The following TBC1D19 variants were observed in gnomAD, a reference collection of about 807,000 sequenced individuals.
TBC1D19 encodes the protein TBC1 domain family member 19, also known as TBC1 domain family, member 19.
In TBC1D19, 60 loss-of-function variants were observed where a neutral mutation model predicts 89.0. That is an observed-to-expected ratio of 0.67 (90% confidence interval 0.55 to 0.84). The LOEUF (loss-of-function observed/expected upper bound fraction) is 0.84. Ranked by LOEUF, TBC1D19 falls within the 40% of genes least tolerant of loss-of-function variation. The probability of loss-of-function intolerance (pLI) is 0.00; values close to 1 mark genes in which losing one functional copy is unlikely to be tolerated. For synonymous variants in TBC1D19, 189 were observed against 199.7 expected (o/e 0.95, Z 0.45); for missense variants, 500 against 610.8 (o/e 0.82, Z 1.91).
the TBC1D19 span, among the ~76,000 whole-genome samples, chr4:26,842,379 C>G: frequency 1.7e-5 from 2 of 115,764 alleles, no homozygotes; most frequent in South Asian, 5.9e-4. Context: ...GGGTCTCACT[C>G]TGTCACCCAG....
intron 11 of TBC1D19, among the ~76,000 whole-genome samples, chr4:26,680,022 G>A (rs1458075731): frequency 2.6e-5 from 4 of 152,118 alleles, no homozygotes; most frequent in Admixed American, 1.3e-4. Context: ...TTTTGTTCTC[G>A]TGATAGTGAG....
chr4:26,732,845 C>T (rs908905690), intron 15 of TBC1D19, among the ~76,000 whole-genome samples: 3 of 152,138 alleles, frequency 2.0e-5, no homozygotes, highest in Non-Finnish European at 2.9e-5. Flanking sequence ...GATACATCCT[C>T]CTCTGGGCTG....
At chr4:26,694,028 T>G (rs568457835) in intron 13 of TBC1D19, among the ~76,000 whole-genome samples, 1 of 152,020 alleles carries the variant, frequency 6.6e-6, no homozygotes, top group Non-Finnish European at 1.5e-5. Context: ...TTCACCTCAC[T>G]GGGGCTCGTC....
intron 7 of TBC1D19, among the ~76,000 whole-genome samples, chr4:26,659,252 A>AT (rs1048666319): frequency 6.6e-6 from 1 of 152,034 alleles, no homozygotes; most frequent in Non-Finnish European, 1.5e-5. Context: ...ATCAAGCAAG[A>AT]TTTTTTTCTT....
chr4:26,599,950 CAAAAAAA>C (rs36092049), intron 1 of TBC1D19, among the ~76,000 whole-genome samples: 4 of 72,788 alleles, frequency 5.5e-5, no homozygotes, highest in African/African-American at 1.1e-4. Context: ...TCTGTCTCTC[CAAAAAAA>C]AAAAAAAAAA....
upstream of TBC1D19, among the ~76,000 whole-genome samples, chr4:26,579,946 A>G (rs1739035941): frequency 1.3e-5 from 2 of 152,212 alleles, no homozygotes; most frequent in African/African-American, 4.8e-5. Flanking sequence ...AGATGGAAAG[A>G]GCTTAGAAAC....
chr4:26,657,149 A>G (rs1283273381), intron 7 of TBC1D19, among the ~76,000 whole-genome samples: 3 of 150,892 alleles, frequency 2.0e-5, no homozygotes, highest in Non-Finnish European at 2.9e-5. Context: ...GTTTTGTTAC[A>G]TAGGTATACA....
At chr4:26,787,101 G>GTTTT in the TBC1D19 span, among the ~76,000 whole-genome samples, 4 of 129,368 alleles carry the variant, frequency 3.1e-5, no homozygotes, top group Non-Finnish European at 3.3e-5. Context: ...AGAGGAACTA[G>GTTTT]TTTTTTTTTT....
At chr4:26,701,058 C>CT (rs1486471078) in intron 13 of TBC1D19, among the ~76,000 whole-genome samples, 1 of 152,198 alleles carries the variant, frequency 6.6e-6, no homozygotes, top group Non-Finnish European at 1.5e-5. Flanking sequence ...CCACCCTGAT[C>CT]TTTAACTTCA....
the TBC1D19 span, among the ~76,000 whole-genome samples, chr4:26,819,557 C>G: frequency 6.6e-6 from 1 of 152,236 alleles, no homozygotes; most frequent in African/African-American, 2.4e-5. Flanking sequence ...TGGCAACAGC[C>G]ACAGTCATCA....
chr4:26,807,207 C>T, the TBC1D19 span, among the ~76,000 whole-genome samples: 53,827 of 151,954 alleles, frequency 0.35, 10,496 homozygotes, highest in East Asian at 0.5. Flanking sequence ...CAGAGTCCCC[C>T]ATCCTCAACT....
chr4:26,841,895 T>C, the TBC1D19 span, among the ~76,000 whole-genome samples: 1 of 152,202 alleles, frequency 6.6e-6, no homozygotes, highest in Non-Finnish European at 1.5e-5. Context: ...AGAACTGGCA[T>C]TGCACAATAT....
the TBC1D19 span, among the ~76,000 whole-genome samples, chr4:26,769,367 G>A: frequency 6.6e-6 from 1 of 151,916 alleles, no homozygotes; most frequent in East Asian, 1.9e-4. Flanking sequence ...AAGAGCACTA[G>A]AAATAATAAC....
In TBC1D19 at chr4:26,688,496, T is replaced by C. The variant is rs536820409; in HGVS notation, c.954+89T>C. The C allele has an allele frequency of 6.0e-5, 79 of 1,320,534 alleles. No homozygotes were observed. In the South Asian group the frequency reaches 6.5e-4, roughly 11 times the overall value. The allele number at this position is 1,320,534 out of a possible 1,614,324, so 81.8% of individuals were successfully genotyped here. A position where few individuals can be genotyped will look rare whatever the true frequency, so the allele number is the denominator to read the frequency against. On this transcript the variant is annotated intron_variant, in intron 13 of 20. Transcript: ENST00000264866. ...GGAGATATCTCTGCTGTTGACTAAA[T>C]CTTTTTGTAATCCATGGCATGCTTG...
intron 13 of TBC1D19, among the ~76,000 whole-genome samples, chr4:26,701,409 GTTTA>G (rs967016331): frequency 4.6e-5 from 7 of 152,054 alleles, no homozygotes; most frequent in African/African-American, 1.7e-4. Flanking sequence ...GCTTATCACA[GTTTA>G]TTTGATTATT....
chr4:26,614,743 C>T (rs1327408422), intron 3 of TBC1D19, among the ~76,000 whole-genome samples: 2 of 152,070 alleles, frequency 1.3e-5, no homozygotes, highest in African/African-American at 4.8e-5. Context: ...GTGCAATGAT[C>T]TTGGCTTAAC....
At chr4:26,716,058 C>T (rs1380316833) in intron 13 of TBC1D19, among the ~76,000 whole-genome samples, 1 of 152,132 alleles carries the variant, frequency 6.6e-6, no homozygotes, top group Non-Finnish European at 1.5e-5. Flanking sequence ...CTCTGTTCCC[C>T]TTTATCTTGT....
At chr4:26,578,751 T>C (rs1000586129) in intron 1 of TBC1D19, among the ~76,000 whole-genome samples, 1 of 152,230 alleles carries the variant, frequency 6.6e-6, no homozygotes, top group Non-Finnish European at 1.5e-5. Flanking sequence ...CATCATTTTT[T>C]ATCAGTAAAC....
At chr4:26,827,865 C>T in the TBC1D19 span, among the ~76,000 whole-genome samples, 13 of 152,136 alleles carry the variant, frequency 8.5e-5, no homozygotes, top group African/African-American at 2.9e-4. Flanking sequence ...TGAATACAGG[C>T]ATGTGTGCCG....
Sources: allele counts gnomAD v4.1 joint callset (sites outside exome capture counted in the v4.1 genomes callset), GRCh38; gene constraint gnomAD v4.1.1; transcripts MANE v1.5; gene names NCBI Gene and HGNC (gene_info 2026-07-23, HGNC 2026-07-21).